Variants in GRXCR1 observed in about 807,000 individuals in gnomAD.
The protein encoded by GRXCR1 is glutaredoxin and cysteine rich domain containing 1.
In GRXCR1, 27 loss-of-function variants were observed where a neutral mutation model predicts 27.3. That is an observed-to-expected ratio of 0.99 (90% confidence interval 0.73 to 1.37). The LOEUF (loss-of-function observed/expected upper bound fraction) is 1.37, where lower values mean the gene tolerates loss of function less well. Among genes scored for constraint, GRXCR1 ranks in the 40% most tolerant of loss-of-function variants. GRXCR1 has a pLI of 0.00. For synonymous variants in GRXCR1, 122 were observed against 131.1 expected (o/e 0.93, Z 0.47); for missense variants, 379 against 354.4 (o/e 1.07, Z -0.56).
chr4:42,988,452 T>G (rs1711851515), intron 2 of GRXCR1, among the ~76,000 whole-genome samples: 1 of 152,188 alleles, frequency 6.6e-6, no homozygotes, highest in Non-Finnish European at 1.5e-5. Flanking sequence ...AGGGAAATTA[T>G]TCACAAAAAA....
intron 2 of GRXCR1, among the ~76,000 whole-genome samples, chr4:42,971,396 G>A (rs973548648): frequency 2.2e-4 from 34 of 152,048 alleles, no homozygotes; most frequent in African/African-American, 7.7e-4. Context: ...CTGCTATAAA[G>A]AACTACCTGA....
chr4:42,980,219 G>C (rs1748623834), intron 2 of GRXCR1, among the ~76,000 whole-genome samples: 1 of 151,442 alleles, frequency 6.6e-6, no homozygotes, highest in African/African-American at 2.4e-5. Context: ...CTTGTTTCTT[G>C]AAGTGTAACA....
At chr4:42,912,144 C>G (rs1471847040) in intron 1 of GRXCR1, among the ~76,000 whole-genome samples, 9 of 152,004 alleles carry the variant, frequency 5.9e-5, no homozygotes, top group Admixed American at 5.2e-4. Flanking sequence ...TATCCAGTGT[C>G]TTGTTTTGAT....
chr4:42,929,027 A>G (rs936270009), intron 1 of GRXCR1, among the ~76,000 whole-genome samples: 1 of 152,030 alleles, frequency 6.6e-6, no homozygotes, highest in Non-Finnish European at 1.5e-5. Context: ...ATAAAAAAAT[A>G]CATACACTAC....
At chr4:42,956,382 T>G (rs1285163576) in intron 1 of GRXCR1, among the ~76,000 whole-genome samples, 1 of 151,894 alleles carries the variant, frequency 6.6e-6, no homozygotes. Flanking sequence ...AGGCTATTTT[T>G]AGACTTCTGG....
chr4:42,937,680 C>G (rs560240355), intron 1 of GRXCR1, among the ~76,000 whole-genome samples: 28 of 152,024 alleles, frequency 1.8e-4, no homozygotes, highest in African/African-American at 6.7e-4. Context: ...AATTCCCACT[C>G]TCAACAATAA....
chr4:42,926,094 C>A (rs1747151750), intron 1 of GRXCR1, among the ~76,000 whole-genome samples: 1 of 152,044 alleles, frequency 6.6e-6, no homozygotes, highest in Non-Finnish European at 1.5e-5. Flanking sequence ...ATGTTTCCTG[C>A]TAGCTGTCAC....
Position 42,893,554 on chromosome 4 carries a change from A to G in GRXCR1, c.288A>G (p.Arg96=). 1 of 1,613,868 alleles carries G rather than the reference A, an allele frequency of 6.2e-7. No homozygotes were observed. The highest frequency in any genetic ancestry group is 8.5e-7 in the Non-Finnish European group (1 of 1,179,824). The part of the protein sequence containing the change: ...AASEKGFGTR[R]VNILSKNGTV... ...GTGAGAAGGGTTTTGGTACAAGAAG[A>G]GTCAACATTTTAAGCAAAAATGGCA... Residue 96 remains arginine, a synonymous_variant, in exon 1 of 4, where the codon AGA becomes AGG. Coordinates refer to ENST00000399770, the MANE Select transcript of GRXCR1 (RefSeq NM_001080476.3).
At chr4:42,904,976 G>A (rs1446725842) in intron 1 of GRXCR1, among the ~76,000 whole-genome samples, 1 of 152,090 alleles carries the variant, frequency 6.6e-6, no homozygotes, top group Non-Finnish European at 1.5e-5. Flanking sequence ...AGGCTGTGTG[G>A]GAAGTCCTGG....
intron 2 of GRXCR1, among the ~76,000 whole-genome samples, chr4:42,976,967 T>C (rs754554652): frequency 1.1e-4 from 16 of 152,000 alleles, no homozygotes; most frequent in Admixed American, 3.3e-4. Flanking sequence ...TCTACAATTA[T>C]CCATCCCCAA....
intron 1 of GRXCR1, among the ~76,000 whole-genome samples, chr4:42,952,579 T>G (rs569675257): frequency 1.3e-5 from 2 of 152,158 alleles, no homozygotes; most frequent in East Asian, 3.9e-4. Flanking sequence ...AAATAAGAAA[T>G]AAAAGAATTA....
At chr4:43,000,109 T>G (rs1712302224) in intron 2 of GRXCR1, among the ~76,000 whole-genome samples, 1 of 152,230 alleles carries the variant, frequency 6.6e-6, no homozygotes, top group African/African-American at 2.4e-5. Context: ...TATCCTGCTT[T>G]GTCCCTTGGC....
intron 2 of GRXCR1, among the ~76,000 whole-genome samples, chr4:42,980,066 C>T (rs1331242968): frequency 1.3e-5 from 2 of 151,626 alleles, no homozygotes; most frequent in South Asian, 4.1e-4. Context: ...CTTAGTCTAG[C>T]TAAAGGTTTG....
At chr4:42,932,603 TATATATATATATATATAGAGAGAGAGAG>T (rs1351363118) in intron 1 of GRXCR1, among the ~76,000 whole-genome samples, 13 of 59,352 alleles carry the variant, frequency 2.2e-4, no homozygotes, top group South Asian at 7.1e-4. Flanking sequence ...TATATATATA[TATATATATATATATATAGAGAGAGAGAG>T]AGAGAGAGAG....
intron 1 of GRXCR1, among the ~76,000 whole-genome samples, chr4:42,895,822 GAA>G (rs1746335889): frequency 6.6e-6 from 1 of 151,952 alleles, no homozygotes; most frequent in Admixed American, 6.6e-5. Flanking sequence ...CCAGGGGCTA[GAA>G]GCAGAAGTTA....
chr4:43,020,245 G>A (rs1713051831), intron 2 of GRXCR1, 109 bp from the exon 3 acceptor site: 2 of 754,980 alleles, frequency 2.6e-6, no homozygotes, highest in African/African-American at 3.5e-5. Flanking sequence ...CAGCTCCAAA[G>A]GGAAGAACTG....
At chr4:42,975,259 A>C (rs1050858594) in intron 2 of GRXCR1, among the ~76,000 whole-genome samples, 13 of 152,116 alleles carry the variant, frequency 8.5e-5, no homozygotes, top group African/African-American at 2.4e-4. Context: ...GCCTAGAGGG[A>C]TTGAATAGTT....
intron 2 of GRXCR1, among the ~76,000 whole-genome samples, chr4:42,980,822 G>C (rs1043688928): frequency 2.6e-5 from 4 of 151,954 alleles, no homozygotes; most frequent in South Asian, 2.1e-4. Flanking sequence ...CCAGTGTTAT[G>C]TGCATATACA....
intron 1 of GRXCR1, among the ~76,000 whole-genome samples, chr4:42,912,113 AGTTATC>A (rs377346893): frequency 2.8e-4 from 42 of 152,274 alleles, no homozygotes; most frequent in African/African-American, 8.9e-4. Flanking sequence ...GTCCAGGTAT[AGTTATC>A]AGAGCAACTT....
Sources: gnomAD v4.1 joint callset for allele counts (sites outside exome capture counted in the v4.1 genomes callset) on GRCh38, gnomAD v4.1.1 for gene constraint, MANE v1.5 for transcripts, NCBI Gene and HGNC (gene_info 2026-07-23, HGNC 2026-07-21) for gene names.